The following DOK6 variants were observed in gnomAD, a reference collection of about 807,000 sequenced individuals.
DOK6 encodes the protein downstream of tyrosine kinase 6.
A neutral mutation model predicts 44.0 loss-of-function variants in DOK6; 22 were observed. The ratio of observed to expected loss-of-function variants is 0.50; its 90% CI spans 0.36 to 0.71. The LOEUF (loss-of-function observed/expected upper bound fraction) is 0.71, where lower values mean the gene tolerates loss of function less well. DOK6 is among the 30% of genes least tolerant of loss of function. DOK6 has a pLI of 0.00. For missense variants in DOK6, 340 were observed against 416.4 expected (o/e 0.82, Z 1.60); for synonymous variants, 166 against 145.5 (o/e 1.14, Z -1.01).
chr18:69,756,182 T>A (rs1979348386), intron 6 of DOK6, among the ~76,000 whole-genome samples: 1 of 152,174 alleles, frequency 6.6e-6, no homozygotes, highest in Admixed American at 6.5e-5. Flanking sequence ...GAGCCTTCCT[T>A]ATCTGCCTAG....
At position 69,543,079 on chromosome 18, in the gene DOK6, C is replaced by T. The variant is rs551912616; in HGVS notation, c.67-21408C>T. Reference sequence around the variant, plus strand: ...GTAGAGGGTTCTTCACTGGTTTAATCCCAAGCAGACCCCGTAATGGCCTTA... The same window carrying T: ...GTAGAGGGTTCTTCACTGGTTTAATTCCAAGCAGACCCCGTAATGGCCTTA... On this transcript the variant is annotated intron_variant, in intron 1 of 7. Transcript: ENST00000382713. Among the ~76,000 whole-genome samples the T allele has an allele frequency of 1.4e-4, 21 of 151,524 alleles. 2 individuals are homozygous for T. The highest frequency in any genetic ancestry group is 1.1e-3 in the Admixed American group (17 of 15,172).
intron 7 of DOK6, among the ~76,000 whole-genome samples, chr18:69,817,976 T>C (rs2164491): frequency 0.56 from 85,561 of 152,068 alleles, 25,266 homozygotes; most frequent in East Asian, 0.68. Context: ...TTCTGAGGTT[T>C]GGACTTTCTT....
chr18:69,606,132 C>G (rs1466340939), intron 3 of DOK6, among the ~76,000 whole-genome samples: 1 of 151,636 alleles, frequency 6.6e-6, no homozygotes, highest in Admixed American at 6.6e-5. Flanking sequence ...ATTAGCCGGG[C>G]GTGGTGGTGC....
Position 69,617,586 on chromosome 18 carries a change from GAGAC to G in DOK6, c.289+18092_289+18095del, listed in dbSNP as rs1191633311. On this transcript the variant is annotated intron_variant, in intron 3 of 7. Coordinates refer to ENST00000382713, the MANE Select transcript of DOK6 (RefSeq NM_152721.6). ...TAGGAGAAAAAGAAAGAAAGAGAGA[GAGAC>G]AGAAAAGACTGAGCGATAGGAGAAA... Among the ~76,000 whole-genome samples, 396 of 94,668 alleles carry G rather than the reference GAGAC, an allele frequency of 4.2e-3. 3 individuals are homozygous for G. The highest frequency in any genetic ancestry group is 0.015 in the Middle Eastern group (3 of 194). 62.1% of individuals were successfully genotyped at this position (94,668 alleles called of 152,430 possible). A position where few individuals can be genotyped will look rare whatever the true frequency, so the allele number is the denominator to read the frequency against.
chr18:69,728,723 C>A (rs1978325637), intron 5 of DOK6, among the ~76,000 whole-genome samples: 1 of 152,062 alleles, frequency 6.6e-6, no homozygotes, highest in African/African-American at 2.4e-5. Flanking sequence ...GAGAAAAGGT[C>A]TCCTTGGATC....
At chr18:69,457,969 G>C (rs1281201938) in intron 1 of DOK6, among the ~76,000 whole-genome samples, 1 of 152,048 alleles carries the variant, frequency 6.6e-6, no homozygotes, top group Non-Finnish European at 1.5e-5. Flanking sequence ...CATGGTGAAA[G>C]CTGTCTCTAC....
intron 2 of DOK6, among the ~76,000 whole-genome samples, chr18:69,569,342 A>G (rs1983060603): frequency 6.6e-6 from 1 of 152,232 alleles, no homozygotes; most frequent in African/African-American, 2.4e-5. Flanking sequence ...TAAGCATCTC[A>G]CTGAAGTTTG....
intron 7 of DOK6, among the ~76,000 whole-genome samples, chr18:69,822,265 A>G (rs559380543): frequency 6.6e-6 from 1 of 152,312 alleles, no homozygotes; most frequent in African/African-American, 2.4e-5. Context: ...ATTGTCAAGA[A>G]CTATGAAGGG....
intron 2 of DOK6, among the ~76,000 whole-genome samples, chr18:69,566,599 T>G (rs559021404): frequency 4.1e-4 from 63 of 152,340 alleles, no homozygotes; most frequent in African/African-American, 1.4e-3. Context: ...GTGGAGTGTC[T>G]GCTCTACGCT....
chr18:69,610,307 T>C (rs943714498), intron 3 of DOK6, among the ~76,000 whole-genome samples: 3 of 152,218 alleles, frequency 2.0e-5, no homozygotes, highest in Admixed American at 6.5e-5. Context: ...AACTGTCTAT[T>C]GCTATTAAAT....
intron 7 of DOK6, among the ~76,000 whole-genome samples, chr18:69,821,366 G>A (rs1292308630): frequency 1.3e-5 from 2 of 152,118 alleles, no homozygotes; most frequent in African/African-American, 4.8e-5. Context: ...CAGTTCAACT[G>A]TCTGTTACGG....
chr18:69,479,569 G>A (rs138715423), intron 1 of DOK6, among the ~76,000 whole-genome samples: 265 of 152,158 alleles, frequency 1.7e-3, no homozygotes, highest in African/African-American at 5.8e-3. Context: ...ACTTTTATAG[G>A]ATTAATTCTG....
chr18:69,817,892 A>T (rs73970276), intron 7 of DOK6, among the ~76,000 whole-genome samples: 18,120 of 152,168 alleles, frequency 0.12, 1,098 homozygotes, highest in East Asian at 0.17. Flanking sequence ...GCTACACTTA[A>T]TCCAATTATG....
At chr18:69,668,943 G>A (rs1220460781) in intron 3 of DOK6, among the ~76,000 whole-genome samples, 2 of 152,002 alleles carry the variant, frequency 1.3e-5, no homozygotes, top group Non-Finnish European at 2.9e-5. Context: ...TTTTAATAAG[G>A]CCCAGGAAGT....
intron 7 of DOK6, among the ~76,000 whole-genome samples, chr18:69,765,870 CATAAG>C (rs1282337639): frequency 6.6e-6 from 1 of 152,212 alleles, no homozygotes; most frequent in East Asian, 1.9e-4. Flanking sequence ...AGATCATCAA[CATAAG>C]ATGTCAATAT....
At chr18:69,591,811 C>A (rs1026838003) in intron 2 of DOK6, among the ~76,000 whole-genome samples, 6 of 151,894 alleles carry the variant, frequency 4.0e-5, no homozygotes, top group Non-Finnish European at 8.8e-5. Flanking sequence ...CAATAACCTT[C>A]AATAAAACAT....
intron 2 of DOK6, among the ~76,000 whole-genome samples, chr18:69,572,514 A>G (rs1983137838): frequency 6.6e-6 from 1 of 152,128 alleles, no homozygotes; most frequent in Admixed American, 6.6e-5. Flanking sequence ...TGTCACTGCT[A>G]AAGTTGTTCC....
intron 5 of DOK6, among the ~76,000 whole-genome samples, chr18:69,713,325 G>A (rs1986810410): frequency 6.6e-6 from 1 of 152,182 alleles, no homozygotes; most frequent in South Asian, 2.1e-4. Flanking sequence ...TAAAAAGTCA[G>A]ATATGTTTAT....
At chr18:69,785,785 C>G (rs772580335) in intron 7 of DOK6, among the ~76,000 whole-genome samples, 37 of 152,034 alleles carry the variant, frequency 2.4e-4, no homozygotes, top group South Asian at 1.0e-3. Context: ...TGCTTCCTTT[C>G]TTATGATTTA....
Sources: gnomAD v4.1 joint callset for allele counts (sites outside exome capture counted in the v4.1 genomes callset) on GRCh38, gnomAD v4.1.1 for gene constraint, MANE v1.5 for transcripts, NCBI Gene and HGNC (gene_info 2026-07-23, HGNC 2026-07-21) for gene names.